The following UCP1 variants were observed in gnomAD, a reference collection of about 807,000 sequenced individuals.
UCP1 encodes the protein uncoupling protein 1, also known as mitochondrial brown fat uncoupling protein 1.
A neutral mutation model predicts 26.2 loss-of-function variants in UCP1; 24 were observed. The observed-to-expected ratio is 0.92, with a 90% CI of 0.66 to 1.29. The LOEUF is 1.29. Ranked by LOEUF, UCP1 falls within the 50% of genes most tolerant of loss-of-function variation. The probability of loss-of-function intolerance (pLI) is 0.00; values close to 1 mark genes in which losing one functional copy is unlikely to be tolerated. For synonymous variants in UCP1, 164 were observed against 156.8 expected (o/e 1.05, Z -0.34); for missense variants, 402 against 388.7 (o/e 1.03, Z -0.29).
chr4:140,566,005 A>G (rs1367844161), intron 2 of UCP1, among the ~76,000 whole-genome samples: 1 of 152,180 alleles, frequency 6.6e-6, no homozygotes, highest in Non-Finnish European at 1.5e-5. Flanking sequence ...TTATGTAACA[A>G]TTGCCTGTAG....
In UCP1 at chr4:140,567,830, TGA is replaced by T. The variant is rs1187368910; in HGVS notation, c.272_273del (p.Leu91GlnfsTer21). On this transcript the variant is annotated frameshift_variant, in exon 2 of 6. Transcript: ENST00000262999. LOFTEE classifies it high-confidence loss of function. ...TGGACCGTGTCGTAGAGGCCGATCCTGAGAGAGGCGGAGCTGATTTGCCGCTG... is the reference window on the plus strand; with the variant it reads ...TGGACCGTGTCGTAGAGGCCGATCCTGAGAGGCGGAGCTGATTTGCCGCTG... ...GLQRQISSASLRIGLYDTVQE... is the reference protein window; with the variant it reads ...GLQRQISSASXRIGLYDTVQE... 13 of 1,614,018 alleles carry T rather than the reference TGA, an allele frequency of 8.1e-6. No homozygotes were observed. The highest frequency in any genetic ancestry group is 1.0e-5 in the Non-Finnish European group (12 of 1,180,028).
chr4:140,563,494 A>T lies in UCP1; in HGVS notation c.350T>A (p.Ile117Asn). 2 of 1,614,110 alleles carry T rather than the reference A, an allele frequency of 1.2e-6. No homozygotes were observed. The highest frequency in any genetic ancestry group is 1.7e-6 in the Non-Finnish European group (2 of 1,180,020). The change falls in exon 3 of 6, where the codon ATT becomes AAT. Residue 117 changes from isoleucine to asparagine, a missense_variant. By Grantham distance (149) the Ile-to-Asn change is moderately radical. Coordinates refer to ENST00000262999, the MANE Select transcript of UCP1 (RefSeq NM_021833.5). Reference protein sequence around the residue: ...KETAPSLGSKILAGLTTGGVA... With the variant: ...KETAPSLGSKNLAGLTTGGVA... ...TCCTCCAGTCGTTAGACCAGCTAAA[A>T]TCTTGCTTCCTAAACTAGGTGCTGC... is the stretch of plus-strand genomic sequence containing the variant.
intron 5 of UCP1, among the ~76,000 whole-genome samples, chr4:140,561,395 C>T (rs1447966364): frequency 3.9e-5 from 6 of 152,168 alleles, no homozygotes; most frequent in Admixed American, 3.9e-4. Flanking sequence ...CTCTGTCTCC[C>T]AGGCTGGAGT....
chr4:140,563,309 G>T lies in UCP1; in HGVS notation c.526+9C>A, dbSNP rs1735722193. 2 of 1,614,076 alleles carry T rather than the reference G, an allele frequency of 1.2e-6. No individual in the cohort carries two copies. Among genetic ancestry groups the T allele is most frequent in the East Asian group, 4.5e-5 (2 of 44,884 alleles). On this transcript the variant is annotated intron_variant, in intron 3 of 5. Transcript: ENST00000262999. ...TGGTGGTTATAAAACCCATTTTGAA[G>T]TTAGTTACCTTTCCAAAGACCCGTC...
intron 5 of UCP1, among the ~76,000 whole-genome samples, chr4:140,560,748 C>CAAA (rs5862487): frequency 0.2 from 28,745 of 146,604 alleles, 2,825 homozygotes; most frequent in Admixed American, 0.26. Context: ...TATTTTGCTG[C>CAAA]AAAAAAAAAA....
intron 3 of UCP1, 45 bp from the exon 4 acceptor site, chr4:140,563,256 A>G (rs1396205256): frequency 2.5e-6 from 4 of 1,612,912 alleles, no homozygotes; most frequent in Admixed American, 1.7e-5. Context: ...CTACTTTACA[A>G]TAAGTTGCTA....
At chr4:140,561,477 C>G (rs896106587) in intron 5 of UCP1, among the ~76,000 whole-genome samples, 1 of 152,038 alleles carries the variant, frequency 6.6e-6, no homozygotes, top group Admixed American at 6.6e-5. Flanking sequence ...CTCAGCTTCC[C>G]AAGTAGAGGG....
chr4:140,565,749 A>G (rs1218438509), intron 2 of UCP1, among the ~76,000 whole-genome samples: 1 of 151,726 alleles, frequency 6.6e-6, no homozygotes, highest in Non-Finnish European at 1.5e-5. Flanking sequence ...CCCTTCCAGA[A>G]TTGATCCAGA....
intron 4 of UCP1, among the ~76,000 whole-genome samples, chr4:140,562,633 G>A (rs949667991): frequency 6.6e-6 from 1 of 152,056 alleles, no homozygotes; most frequent in East Asian, 1.9e-4. Context: ...TAATATATGA[G>A]CATCTAATAC....
At chr4:140,565,228 A>G (rs1410608627) in intron 2 of UCP1, among the ~76,000 whole-genome samples, 3 of 152,262 alleles carry the variant, frequency 2.0e-5, no homozygotes, top group East Asian at 1.9e-4. Flanking sequence ...TCCTCTCTCA[A>G]TAAAGGGTAT....
chr4:140,563,065 C>T, intron 4 of UCP1, 45 bp downstream of exon 4: 1 of 1,489,766 alleles, frequency 6.7e-7, no homozygotes, highest in African/African-American at 1.4e-5. Flanking sequence ...CCAAGATGAA[C>T]TTCTAAAGGT....
At chr4:140,562,412 TG>T (rs1735698637) in intron 4 of UCP1, 39 bp from the exon 5 acceptor site, 3 of 1,608,864 alleles carry the variant, frequency 1.9e-6, no homozygotes, top group African/African-American at 2.7e-5. Flanking sequence ...ATCAGACTTT[TG>T]GGGGCTTGCA....
chr4:140,568,647 TC>T lies in UCP1; in HGVS notation c.82del (p.Asp28ThrfsTer2), dbSNP rs750415500. 2 of 1,612,508 alleles carry T rather than the reference TC, an allele frequency of 1.2e-6. No homozygotes were observed. The highest frequency in any genetic ancestry group is 1.7e-6 in the Non-Finnish European group (2 of 1,179,620). On this transcript the variant is annotated frameshift_variant, in exon 1 of 6. Transcript: ENST00000262999. LOFTEE classifies it high-confidence loss of function. ...FSAGIAACLA[D>X]VITFPLDTAK... ...CGTGTCCAGCGGGAAGGTGATCACG[TC>T]CGCCAAGCACGCCGCTATTCCAGCT...
intron 2 of UCP1, among the ~76,000 whole-genome samples, chr4:140,567,469 C>T (rs1481608047): frequency 2.0e-5 from 3 of 152,218 alleles, no homozygotes; most frequent in Non-Finnish European, 4.4e-5. Context: ...TTCTGATATA[C>T]TTCCCTCTTT....
intron 5 of UCP1, among the ~76,000 whole-genome samples, 181 bp from the exon 6 acceptor site, chr4:140,560,191 C>G (rs1381561287): frequency 6.6e-6 from 1 of 151,992 alleles, no homozygotes; most frequent in Non-Finnish European, 1.5e-5. Flanking sequence ...GTAACTGGGA[C>G]TAGAGACTGC....
At chr4:140,563,257 T>G in intron 3 of UCP1, 46 bp from the exon 4 acceptor site, 5 of 1,611,182 alleles carry the variant, frequency 3.1e-6, no homozygotes, top group Non-Finnish European at 4.2e-6. Context: ...TACTTTACAA[T>G]AAGTTGCTAG....
At chr4:140,567,567 G>A (rs555457768) in intron 2 of UCP1, among the ~76,000 whole-genome samples, 2 of 152,300 alleles carry the variant, frequency 1.3e-5, no homozygotes, top group East Asian at 3.9e-4. Flanking sequence ...CCATGACTGG[G>A]TGACCTTTAC....
intron 2 of UCP1, among the ~76,000 whole-genome samples, chr4:140,564,956 C>A (rs1413228196): frequency 6.6e-6 from 1 of 152,130 alleles, no homozygotes; most frequent in Non-Finnish European, 1.5e-5. Context: ...TAGCTTATAC[C>A]ACGCTACTCT....
rs747529959 is a variant in UCP1, at chr4:140,568,649, C to A, written c.81G>T (p.Ala27=). 5 of 1,611,936 alleles carry A rather than the reference C, an allele frequency of 3.1e-6. No individual in the cohort carries two copies. The East Asian group carries it at 8.9e-5, about 29-fold the overall frequency. ...LFSAGIAACL[A]DVITFPLDTA... is the part of the protein sequence containing the mutation. ...TGTCCAGCGGGAAGGTGATCACGTC[C>A]GCCAAGCACGCCGCTATTCCAGCTG... The change falls in exon 1 of 6, where the codon GCG becomes GCT. Residue 27 remains alanine (A), a synonymous_variant. Transcript: ENST00000262999.
Sources: gnomAD v4.1 joint callset for allele counts (sites outside exome capture counted in the v4.1 genomes callset) on GRCh38, gnomAD v4.1.1 for gene constraint, MANE v1.5 for transcripts, NCBI Gene and HGNC (gene_info 2026-07-23, HGNC 2026-07-21) for gene names.